Variants in RARB observed in about 807,000 individuals in gnomAD.
RARB encodes HBV-activated protein.
In RARB, 17 loss-of-function variants were observed where a neutral mutation model predicts 51.9. The ratio of observed to expected loss-of-function variants is 0.33; its 90% confidence interval spans 0.22 to 0.49. The LOEUF is 0.49. RARB is among the 20% of genes least tolerant of loss of function. The probability of loss-of-function intolerance (pLI) is 0.99; values close to 1 mark genes in which losing one functional copy is unlikely to be tolerated. For synonymous variants in RARB, 215 were observed against 195.4 expected, an observed-to-expected ratio of 1.10 and a Z score of -0.84; for missense variants, 369 against 550.8, an observed-to-expected ratio of 0.67 and a Z score of 3.30.
chr3:25,430,245 C>G (rs1285651264), intron 1 of RARB, among the ~76,000 whole-genome samples: 4 of 152,170 alleles, frequency 2.6e-5, no homozygotes, highest in Non-Finnish European at 5.9e-5. Flanking sequence ...CCCCAAATGC[C>G]TTTTCTTTTT....
intron 5 of RARB, among the ~76,000 whole-genome samples, chr3:25,246,671 C>G (rs1484626615): frequency 1.3e-5 from 2 of 152,148 alleles, no homozygotes; most frequent in African/African-American, 4.8e-5. Context: ...GCAAATATTG[C>G]TGTGTGCTCC....
intron 5 of RARB, among the ~76,000 whole-genome samples, chr3:25,244,689 A>C (rs1702513787): frequency 6.6e-6 from 1 of 151,874 alleles, no homozygotes; most frequent in Admixed American, 6.6e-5. Context: ...GTTTGTTATG[A>C]TTTCTCTTCT....
chr3:25,092,627 CT>C (rs972028269), intron 3 of RARB, among the ~76,000 whole-genome samples: 7 of 151,940 alleles, frequency 4.6e-5, no homozygotes, highest in Non-Finnish European at 1.0e-4. Flanking sequence ...CATGTTTGCT[CT>C]TTTTTTTCCA....
At chr3:24,899,926 T>TC (rs1253628246) in intron 2 of RARB, among the ~76,000 whole-genome samples, 4 of 151,830 alleles carry the variant, frequency 2.6e-5, no homozygotes, top group Non-Finnish European at 4.4e-5. Context: ...TGGGATTTCT[T>TC]TTTTTTTGCC....
chr3:25,134,410 G>A (rs1337186659), intron 4 of RARB, among the ~76,000 whole-genome samples: 1 of 151,830 alleles, frequency 6.6e-6, no homozygotes, highest in Non-Finnish European at 1.5e-5. Flanking sequence ...ACCTGAGTTA[G>A]TTTTATTTAT....
intron 2 of RARB, among the ~76,000 whole-genome samples, chr3:24,864,222 G>C (rs1489096505): frequency 6.6e-6 from 1 of 152,166 alleles, no homozygotes; most frequent in Non-Finnish European, 1.5e-5. Context: ...CACGGCAGGG[G>C]CTGGAACTGT....
At chr3:24,934,152 G>C (rs1237005697) in intron 2 of RARB, among the ~76,000 whole-genome samples, 1 of 152,140 alleles carries the variant, frequency 6.6e-6, no homozygotes, top group Non-Finnish European at 1.5e-5. Context: ...CATGACTTGT[G>C]AAGTTCAGCT....
In RARB at chr3:25,405,999, G is replaced by A. The variant is rs1056796773; in HGVS notation, c.179-55194G>A. 5.3e-5 allele frequency among the ~76,000 whole-genome samples: 8 copies of A among 152,198 alleles called. No individual in the cohort carries two copies. In the East Asian group the frequency reaches 5.8e-4, roughly 11 times the overall value. On this transcript the variant is annotated intron_variant, in intron 5 of 11. Transcript: ENST00000383772. ...GCAATAATACTGTGGTCACTATCCC[G>A]AGAGTATTCCTTCTCTTCCTGCCTT...
chr3:25,010,463 G>T (rs147192293), intron 2 of RARB, among the ~76,000 whole-genome samples: 403 of 152,208 alleles, frequency 2.6e-3, no homozygotes, highest in African/African-American at 9.4e-3. Flanking sequence ...TTTGCATACT[G>T]ACTTTAGTTA....
At chr3:24,892,362 A>C (rs183910260) in intron 2 of RARB, among the ~76,000 whole-genome samples, 302 of 152,246 alleles carry the variant, frequency 2.0e-3, no homozygotes, top group Non-Finnish European at 3.9e-3. Context: ...TGAATCTATC[A>C]CTAAAGACTG....
chr3:25,364,964 C>T (rs1248444660), intron 5 of RARB, among the ~76,000 whole-genome samples: 1 of 152,098 alleles, frequency 6.6e-6, no homozygotes, highest in East Asian at 1.9e-4. Context: ...GTATCATTAT[C>T]CTAGAATCTG....
chr3:24,996,266 G>A (rs1238916993), intron 2 of RARB, among the ~76,000 whole-genome samples: 2 of 151,850 alleles, frequency 1.3e-5, no homozygotes, highest in African/African-American at 4.8e-5. Context: ...TAGTAATCTT[G>A]AATGATCCAT....
chr3:25,403,774 C>T (rs1054048069), intron 5 of RARB, among the ~76,000 whole-genome samples: 71 of 147,428 alleles, frequency 4.8e-4, no homozygotes, highest in African/African-American at 1.8e-3. Context: ...GACATTTGAG[C>T]GCTATTATTT....
At chr3:25,186,885 C>CTGTGTGTGTGTGTGTGTGTGTG (rs71057702) in intron 5 of RARB, among the ~76,000 whole-genome samples, 1 of 114,220 alleles carries the variant, frequency 8.8e-6, no homozygotes, top group African/African-American at 3.4e-5. Flanking sequence ...AAAGGTAAGC[C>CTGTGTGTGTGTGTGTGTGTGTG]TGTGTGTGTG....
chr3:25,422,551 G>A (rs1707889017), intron 5 of RARB, among the ~76,000 whole-genome samples: 1 of 152,070 alleles, frequency 6.6e-6, no homozygotes, highest in African/African-American at 2.4e-5. Flanking sequence ...TTTAATAGTG[G>A]AAGAACAGGG....
intron 2 of RARB, among the ~76,000 whole-genome samples, chr3:24,893,864 A>G (rs982356256): frequency 2.0e-5 from 3 of 152,108 alleles, no homozygotes. Context: ...TGCATTTTCT[A>G]GGAGGAATGT....
At chr3:24,834,727 T>A (rs1702320336) in intron 1 of RARB, among the ~76,000 whole-genome samples, 1 of 152,196 alleles carries the variant, frequency 6.6e-6, no homozygotes, top group Non-Finnish European at 1.5e-5. Context: ...AGTCTCAATT[T>A]TCTAGGGATA....
At chr3:25,232,985 T>C (rs1702217242) in intron 5 of RARB, among the ~76,000 whole-genome samples, 1 of 147,830 alleles carries the variant, frequency 6.8e-6, no homozygotes. Context: ...TTTTTTTTTT[T>C]TTTTTTTTGA....
rs532030541 is a variant in RARB, at chr3:25,093,759, C to G, written c.-328+33583C>G. Among the ~76,000 whole-genome samples, 3 of 152,128 alleles carry G rather than the reference C, an allele frequency of 2.0e-5. No individual in the cohort carries two copies. The South Asian group carries it at 6.2e-4, about 32-fold the overall frequency. ...AGCTCCACCTGGACTGCAGACCACT[C>G]CTGTGGCCCAGCCAGAAGTGACTAA... On this transcript the variant is annotated intron_variant, in intron 3 of 11. Coordinates refer to the RARB transcript ENST00000383772.
Sources: allele counts gnomAD v4.1 joint callset (sites outside exome capture counted in the v4.1 genomes callset), GRCh38; gene constraint gnomAD v4.1.1; transcripts MANE v1.5; gene names NCBI Gene and HGNC (gene_info 2026-07-23, HGNC 2026-07-21).